The following TBC1D5 variants were observed in gnomAD, a reference collection of about 807,000 sequenced individuals.
The protein encoded by TBC1D5 is TBC1 domain family member 5, also known as TBC1 domain family, member 5.
TBC1D5 carries 75 observed loss-of-function variants against 100.3 expected under a neutral mutation model. That is an observed-to-expected ratio of 0.75 (90% CI 0.62 to 0.91). TBC1D5 has a LOEUF of 0.91. TBC1D5 is among the 40% of genes least tolerant of loss of function. The probability of loss-of-function intolerance (pLI) is 0.00; values close to 1 mark genes in which losing one functional copy is unlikely to be tolerated. For missense variants in TBC1D5, 910 were observed against 942.4 expected (o/e 0.97, Z 0.45); for synonymous variants, 323 against 325.6 (o/e 0.99, Z 0.09).
chr3:17,274,710 T>C (rs1195233731), intron 15 of TBC1D5, among the ~76,000 whole-genome samples: 3 of 152,192 alleles, frequency 2.0e-5, no homozygotes, highest in Non-Finnish European at 4.4e-5. Context: ...CCACTTTAAG[T>C]AGAATAAATC....
chr3:17,311,584 G>T (rs143506217), intron 13 of TBC1D5, among the ~76,000 whole-genome samples: 1,821 of 152,096 alleles, frequency 0.012, 28 homozygotes, highest in African/African-American at 0.041. Flanking sequence ...TTTTGCCAAT[G>T]AGTTTATGAA....
chr3:17,482,923 G>A (rs1348823454), intron 3 of TBC1D5, among the ~76,000 whole-genome samples: 1 of 152,104 alleles, frequency 6.6e-6, no homozygotes, highest in Non-Finnish European at 1.5e-5. Flanking sequence ...TGTCCTACAT[G>A]CCCTCAGTAT....
Position 17,404,940 on chromosome 3 carries a change from G to A in TBC1D5, c.298C>T (p.Gln100Ter). 6.3e-7 allele frequency: 1 copy of A among 1,596,004 alleles called. No homozygotes were observed. The highest frequency in any genetic ancestry group is 8.5e-7 in the Non-Finnish European group (1 of 1,171,214). Reference sequence around the variant, plus strand: ...CTACTTATCCATTGACTTTTGTCTTGAGGAAGAACACAAAGAAATAGCTGT... The same window carrying A: ...CTACTTATCCATTGACTTTTGTCTTAAGGAAGAACACAAAGAAATAGCTGT... Residue 100 changes from glutamine (Q) to a stop codon, truncating the protein, a stop_gained, in exon 6 of 22, where the codon CAA becomes TAA. Coordinates refer to ENST00000253692, the Ensembl canonical transcript of TBC1D5. LOFTEE classifies it high-confidence loss of function.
chr3:17,451,199 C>T lies in TBC1D5; in HGVS notation c.98-22680G>A, dbSNP rs191964634. Among the ~76,000 whole-genome samples, 528 of 152,288 alleles carry T rather than the reference C, an allele frequency of 3.5e-3. 3 individuals are homozygous for T. Among genetic ancestry groups the T allele is most frequent in the African/African-American group, 0.012 (512 of 41,544 alleles). On this transcript the variant is annotated intron_variant, in intron 3 of 21. Coordinates refer to ENST00000253692, the Ensembl canonical transcript of TBC1D5. Reference sequence around the variant, plus strand: ...AAATGCTGAGAGATTTTGTCACCACCAGGCCTGCCTTACAAGAGTTCTGAA... The same window carrying T: ...AAATGCTGAGAGATTTTGTCACCACTAGGCCTGCCTTACAAGAGTTCTGAA...
chr3:17,705,219 G>A (rs1480169761), intron 1 of TBC1D5, among the ~76,000 whole-genome samples: 23 of 79,774 alleles, frequency 2.9e-4, no homozygotes, highest in African/African-American at 1.0e-3. Context: ...CCTCCCTCCC[G>A]GACGGCACGG....
At chr3:17,511,660 A>T (rs1415801976) in intron 2 of TBC1D5, among the ~76,000 whole-genome samples, 1 of 152,030 alleles carries the variant, frequency 6.6e-6, no homozygotes, top group Non-Finnish European at 1.5e-5. Flanking sequence ...GAGAAAGTTC[A>T]AGAAGTCATT....
At chr3:17,196,667 G>T (rs1003510073) in intron 18 of TBC1D5, among the ~76,000 whole-genome samples, 6 of 152,186 alleles carry the variant, frequency 3.9e-5, no homozygotes, top group African/African-American at 1.4e-4. Flanking sequence ...GAAATACTTT[G>T]GGTATATGTT....
At chr3:17,251,413 A>T (rs2077159134) in intron 16 of TBC1D5, among the ~76,000 whole-genome samples, 1 of 125,350 alleles carries the variant, frequency 8.0e-6, no homozygotes, top group African/African-American at 3.2e-5. Flanking sequence ...GGGAATATAT[A>T]TACTCACGGG....
chr3:17,178,626 AC>A (rs2068085023), intron 19 of TBC1D5, among the ~76,000 whole-genome samples: 2 of 152,034 alleles, frequency 1.3e-5, no homozygotes, highest in Non-Finnish European at 2.9e-5. Context: ...TTATGTTCCC[AC>A]CAACAATGAA....
chr3:17,556,146 C>G (rs1015616563), intron 2 of TBC1D5, among the ~76,000 whole-genome samples: 1 of 152,038 alleles, frequency 6.6e-6, no homozygotes, highest in Non-Finnish European at 1.5e-5. Context: ...TCCCAAGTAG[C>G]TGGGACTACA....
chr3:17,282,181 A>C (rs773012280), intron 15 of TBC1D5, among the ~76,000 whole-genome samples: 6 of 152,234 alleles, frequency 3.9e-5, no homozygotes, highest in Non-Finnish European at 7.3e-5. Flanking sequence ...AAAAGGTTGA[A>C]TGATTTCCCT....
intron 1 of TBC1D5, among the ~76,000 whole-genome samples, chr3:17,719,876 T>C (rs114595313): frequency 0.01 from 1,557 of 152,320 alleles, 24 homozygotes; most frequent in African/African-American, 0.036. Context: ...TAGTGTCTTT[T>C]CTAATCCTAT....
At chr3:17,259,529 G>A (rs1244383148) in intron 15 of TBC1D5, among the ~76,000 whole-genome samples, 1 of 152,084 alleles carries the variant, frequency 6.6e-6, no homozygotes, top group East Asian at 1.9e-4. Flanking sequence ...GTGTTCTAAT[G>A]TTTACCTGGG....
intron 3 of TBC1D5, among the ~76,000 whole-genome samples, chr3:17,456,899 T>C (rs956536783): frequency 2.0e-5 from 3 of 152,160 alleles, no homozygotes; most frequent in Non-Finnish European, 4.4e-5. Context: ...CAGTCATAAA[T>C]GCCATGTAGT....
exon 18 of TBC1D5, chr3:17,214,214 T>C: frequency 6.2e-7 from 1 of 1,610,490 alleles, no homozygotes; most frequent in East Asian, 2.2e-5. Flanking sequence ...TACAGATTCT[T>C]TTCTGCCCAT....
intron 1 of TBC1D5, among the ~76,000 whole-genome samples, chr3:17,628,392 C>T (rs547470790): frequency 3.1e-4 from 46 of 150,746 alleles, no homozygotes; most frequent in African/African-American, 1.1e-3. Flanking sequence ...AAAAAATACA[C>T]ACACCCAATT....
intron 2 of TBC1D5, among the ~76,000 whole-genome samples, chr3:17,618,310 G>A (rs1301760612): frequency 6.6e-6 from 1 of 152,172 alleles, no homozygotes; most frequent in Non-Finnish European, 1.5e-5. Flanking sequence ...TGAGGTGTCT[G>A]TCGGCCCATA....
At chr3:17,241,872 A>C (rs552838101) in intron 16 of TBC1D5, among the ~76,000 whole-genome samples, 43 of 152,328 alleles carry the variant, frequency 2.8e-4, no homozygotes, top group African/African-American at 8.7e-4. Flanking sequence ...TTTAAAAAAA[A>C]CCCAAAAAAA....
intron 1 of TBC1D5, among the ~76,000 whole-genome samples, chr3:17,729,710 C>CA (rs2076404639): frequency 6.6e-6 from 1 of 151,578 alleles, no homozygotes; most frequent in South Asian, 2.1e-4. Flanking sequence ...GTCTCAAAAA[C>CA]AACAAACAAA....
Sources: allele counts gnomAD v4.1 joint callset (sites outside exome capture counted in the v4.1 genomes callset), GRCh38; gene constraint gnomAD v4.1.1; transcripts MANE v1.5; gene names NCBI Gene and HGNC (gene_info 2026-07-23, HGNC 2026-07-21).